The following STRADB variants were observed in gnomAD, a reference collection of about 807,000 sequenced individuals.
The protein encoded by STRADB is STE20-related kinase adapter protein beta.
In STRADB, 34 loss-of-function variants were observed where a neutral mutation model predicts 52.1. The ratio of observed to expected loss-of-function variants is 0.65; its 90% CI spans 0.50 to 0.87. The LOEUF (loss-of-function observed/expected upper bound fraction) is 0.87. Among genes scored for constraint, STRADB ranks in the 40% least tolerant of loss-of-function variants. STRADB has a pLI of 0.00. For missense variants in STRADB, 340 were observed against 483.9 expected (o/e 0.70, Z 2.79); for synonymous variants, 133 against 174.5 (o/e 0.76, Z 1.87).
chr2:201,477,642 T>C lies in STRADB; in HGVS notation c.572T>C (p.Leu191Pro). 6.2e-7 allele frequency: 1 copy of C among 1,608,154 alleles called. No homozygotes were observed. Among genetic ancestry groups the C allele is most frequent in the Non-Finnish European group, 8.5e-7 (1 of 1,175,456 alleles). ...IHRSIKASHI[L>P]ISGDGLVTLS... Reference sequence around the variant, plus strand: ...AGGAGTATTAAAGCCAGCCATATCCTCATTTCTGGTGATGGCCTAGTGACC... The same window carrying C: ...AGGAGTATTAAAGCCAGCCATATCCCCATTTCTGGTGATGGCCTAGTGACC... Residue 191 changes from leucine (L) to proline (P), a missense_variant, in exon 8 of 12, where the codon CTC becomes CCC. Leu to Pro is a moderately conservative substitution (Grantham distance 98). Coordinates refer to ENST00000194530, the MANE Select transcript of STRADB (RefSeq NM_018571.6).
At position 201,480,455 on chromosome 2, in the gene STRADB, A is replaced by G; in HGVS notation, c.*280A>G. 8.7e-7 allele frequency: 1 copy of G among 1,145,288 alleles called. No homozygotes were observed. The highest frequency in any genetic ancestry group is 1.6e-5 in the African/African-American group (1 of 62,622). 70.9% of individuals were successfully genotyped at this position (1,145,288 alleles called of 1,614,324 possible). On this transcript the variant is annotated 3_prime_UTR_variant, in exon 12 of 12. Coordinates refer to ENST00000194530, the MANE Select transcript of STRADB (RefSeq NM_018571.6). ...CTGTGACTAACTCTTTTTATCTCTC[A>G]ATATAATTTTTGAGCCAGTTAATTT...
At chr2:201,473,216 C>A in intron 5 of STRADB, 140 bp downstream of exon 5, 1 of 743,826 alleles carries the variant, frequency 1.3e-6, no homozygotes, top group South Asian at 3.6e-5. Context: ...TAAAACACAG[C>A]ATAACTATTT....
At chr2:201,454,575 A>G (rs1020390113) in intron 1 of STRADB, among the ~76,000 whole-genome samples, 171 bp from the exon 2 acceptor site, 1 of 152,242 alleles carries the variant, frequency 6.6e-6, no homozygotes, top group African/African-American at 2.4e-5. Context: ...TCAGTAAAAA[A>G]TAAATGCTCT....
intron 1 of STRADB, 76 bp downstream of exon 1, chr2:201,452,014 C>T (rs1434188698): frequency 6.6e-6 from 1 of 152,376 alleles, no homozygotes; most frequent in African/African-American, 2.4e-5. Flanking sequence ...GAGCCTTGGT[C>T]CGCGCACGCC....
At chr2:201,463,638 C>T (rs1027640181) in intron 3 of STRADB, among the ~76,000 whole-genome samples, 7 of 152,094 alleles carry the variant, frequency 4.6e-5, no homozygotes, top group Admixed American at 1.3e-4. Context: ...TTTCTCTAGG[C>T]TTGGAAAGTT....
intron 10 of STRADB, chr2:201,479,223 A>T (rs1259968763): frequency 2.8e-6 from 1 of 358,306 alleles, no homozygotes; most frequent in Non-Finnish European, 5.0e-6. Flanking sequence ...GTAGTATAAA[A>T]TGTAAATTGC....
At chr2:201,478,960 C>T (rs2125684627) in intron 10 of STRADB, among the ~76,000 whole-genome samples, 1 of 152,014 alleles carries the variant, frequency 6.6e-6, no homozygotes, top group Non-Finnish European at 1.5e-5. Flanking sequence ...GTAGTCCCAG[C>T]TACTCGGGAG....
At chr2:201,455,781 C>G (rs1952119032) in intron 2 of STRADB, among the ~76,000 whole-genome samples, 1 of 151,848 alleles carries the variant, frequency 6.6e-6, no homozygotes, top group South Asian at 2.1e-4. Flanking sequence ...TTCATAGTTT[C>G]AAATTGTGTA....
At position 201,478,158 on chromosome 2, in the gene STRADB, G is replaced by A. The variant is rs752607844; in HGVS notation, c.792G>A (p.Gly264=). 24 of 1,613,608 alleles carry A rather than the reference G, an allele frequency of 1.5e-5. No homozygotes were observed. The highest frequency in any genetic ancestry group is 1.9e-5 in the Non-Finnish European group (22 of 1,179,888). ...VGITACELAS[G]QVPFQDMHRT... ...TTACAGCATGTGAATTAGCCAGTGG[G>A]CAGGTGCCTTTCCAGGACATGCATA... Residue 264 remains glycine, a synonymous_variant, in exon 9 of 12, where the codon GGG becomes GGA. Transcript: ENST00000194530.
chr2:201,453,386 A>G (rs752057380), intron 1 of STRADB, among the ~76,000 whole-genome samples: 8 of 152,250 alleles, frequency 5.3e-5, no homozygotes, highest in Non-Finnish European at 1.0e-4. Flanking sequence ...AAGGTCAGCT[A>G]CAAGTGGCCA....
chr2:201,464,690 C>G (rs113773230), intron 3 of STRADB, among the ~76,000 whole-genome samples: 3 of 152,280 alleles, frequency 2.0e-5, no homozygotes, highest in African/African-American at 7.2e-5. Flanking sequence ...GAGCTCCCCA[C>G]CTGGCCCTGG....
At chr2:201,461,211 A>G (rs1952210307) in intron 3 of STRADB, among the ~76,000 whole-genome samples, 2 of 151,986 alleles carry the variant, frequency 1.3e-5, no homozygotes, top group African/African-American at 4.8e-5. Flanking sequence ...TTTTTTAGAG[A>G]TGGCATCTTG....
intron 6 of STRADB, among the ~76,000 whole-genome samples, chr2:201,475,230 T>C (rs1952453375): frequency 6.6e-6 from 1 of 152,194 alleles, no homozygotes; most frequent in South Asian, 2.1e-4. Flanking sequence ...CCCCAGGTGC[T>C]CACGTAGTAC....
chr2:201,455,846 A>G (rs1337132379), intron 2 of STRADB, among the ~76,000 whole-genome samples: 1 of 152,230 alleles, frequency 6.6e-6, no homozygotes, highest in Non-Finnish European at 1.5e-5. Context: ...AAGATTGCAA[A>G]AAGTTGGAGC....
chr2:201,463,678 C>G (rs1394058822), intron 3 of STRADB, among the ~76,000 whole-genome samples: 1 of 152,122 alleles, frequency 6.6e-6, no homozygotes, highest in Non-Finnish European at 1.5e-5. Flanking sequence ...AATAAACTTT[C>G]TATTCTGATT....
At chr2:201,455,051 A>G (rs955282714) in intron 2 of STRADB, among the ~76,000 whole-genome samples, 199 bp downstream of exon 2, 3 of 152,216 alleles carry the variant, frequency 2.0e-5, no homozygotes, top group African/African-American at 7.2e-5. Context: ...CTTCTCGTAT[A>G]CTTCAATATG....
At chr2:201,472,922 G>T (rs1449840740) in intron 4 of STRADB, 33 bp from the exon 5 acceptor site, 11 of 1,530,996 alleles carry the variant, frequency 7.2e-6, no homozygotes, top group Admixed American at 4.3e-5. Context: ...TTTCTTCTTT[G>T]GTTACTAACA....
At chr2:201,479,258 G>A (rs775404461) in intron 10 of STRADB, 17 of 468,874 alleles carry the variant, frequency 3.6e-5, no homozygotes, top group Non-Finnish European at 6.0e-5. Flanking sequence ...GTTACTGTCA[G>A]TAAATACTGT....
chr2:201,472,809 T>G (rs915585768), intron 4 of STRADB, 146 bp from the exon 5 acceptor site: 1 of 689,610 alleles, frequency 1.5e-6, no homozygotes, highest in Non-Finnish European at 2.2e-6. Flanking sequence ...TTGATAAGTA[T>G]TATTAATACT....
Sources: gnomAD v4.1 joint callset for allele counts (sites outside exome capture counted in the v4.1 genomes callset) on GRCh38, gnomAD v4.1.1 for gene constraint, MANE v1.5 for transcripts, NCBI Gene and HGNC (gene_info 2026-07-23, HGNC 2026-07-21) for gene names.